Variants in DCBLD2 observed in about 807,000 individuals in gnomAD.
DCBLD2 encodes discoidin, CUB and LCCL domain containing 2, also known as discoidin, CUB and LCCL domain-containing protein 2.
In DCBLD2, 54 loss-of-function variants were observed where a neutral mutation model predicts 86.8. The observed-to-expected ratio is 0.62, with a 90% CI of 0.50 to 0.78. The LOEUF (loss-of-function observed/expected upper bound fraction) is 0.78. DCBLD2 is among the 30% of genes least tolerant of loss of function. The probability of loss-of-function intolerance (pLI) is 0.00; values close to 1 mark genes in which losing one functional copy is unlikely to be tolerated. For missense variants in DCBLD2, 908 were observed against 954.2 expected, an observed-to-expected ratio of 0.95 and a Z score of 0.64; for synonymous variants, 354 against 341.3, an observed-to-expected ratio of 1.04 and a Z score of -0.41.
chr3:98,825,643 T>TTTTATATATATA (rs1317079960), intron 3 of DCBLD2, among the ~76,000 whole-genome samples: 3 of 115,088 alleles, frequency 2.6e-5, no homozygotes, highest in Non-Finnish European at 5.4e-5. Context: ...ATATGTGTAT[T>TTTTATATATATA]TATATATATA....
chr3:98,899,600 G>A (rs1021120719), intron 1 of DCBLD2, among the ~76,000 whole-genome samples: 2 of 152,102 alleles, frequency 1.3e-5, no homozygotes, highest in Non-Finnish European at 2.9e-5. Context: ...AGGTAGACAT[G>A]TAACTGATTC....
At chr3:98,814,606 A>G (rs549522202) in intron 9 of DCBLD2, 2 of 151,964 alleles carry the variant, frequency 1.3e-5, no homozygotes, top group South Asian at 2.1e-4. Flanking sequence ...AACAAATTGT[A>G]TATATATATA....
At chr3:98,832,442 G>A (rs1273523357) in intron 3 of DCBLD2, among the ~76,000 whole-genome samples, 1 of 152,070 alleles carries the variant, frequency 6.6e-6, no homozygotes, top group Non-Finnish European at 1.5e-5. Context: ...TACATTCAAG[G>A]GTAGTATTGA....
At chr3:98,802,372 T>G (rs1941744159) in intron 13 of DCBLD2, among the ~76,000 whole-genome samples, 1 of 152,238 alleles carries the variant, frequency 6.6e-6, no homozygotes, top group African/African-American at 2.4e-5. Context: ...AAGTGTCTGT[T>G]CATATCTTTC....
At chr3:98,898,157 T>G (rs1943783794) in intron 1 of DCBLD2, among the ~76,000 whole-genome samples, 1 of 151,936 alleles carries the variant, frequency 6.6e-6, no homozygotes, top group African/African-American at 2.4e-5. Flanking sequence ...AATATATTTA[T>G]AAATTTATAA....
chr3:98,804,422 T>G, intron 13 of DCBLD2, among the ~76,000 whole-genome samples: 1 of 152,176 alleles, frequency 6.6e-6, no homozygotes, highest in Non-Finnish European at 1.5e-5. Flanking sequence ...TTGCATCTAT[T>G]TGATTCTTCT....
chr3:98,888,008 GTAACCACTGA>G (rs1178499985), intron 1 of DCBLD2, among the ~76,000 whole-genome samples: 1 of 151,850 alleles, frequency 6.6e-6, no homozygotes, highest in East Asian at 1.9e-4. Context: ...CAAAACCCTG[GTAACCACTGA>G]TCTTTTTCGG....
chr3:98,808,893 C>T (rs933616528), intron 12 of DCBLD2, among the ~76,000 whole-genome samples: 2 of 152,022 alleles, frequency 1.3e-5, no homozygotes, highest in African/African-American at 2.4e-5. Flanking sequence ...CCTGTTTCTG[C>T]GTAAGAGTGA....
chr3:98,820,332 A>T (rs778660700), intron 6 of DCBLD2, 44 bp from the exon 7 acceptor site: 2 of 1,335,344 alleles, frequency 1.5e-6, no homozygotes, highest in Non-Finnish European at 9.9e-7. Flanking sequence ...CACATAACAC[A>T]TGATGCCCCA....
chr3:98,836,394 C>T (rs901341726), intron 3 of DCBLD2, among the ~76,000 whole-genome samples: 7 of 150,586 alleles, frequency 4.6e-5, no homozygotes, highest in Non-Finnish European at 1.0e-4. Flanking sequence ...GTTAATGCTA[C>T]TCAATTGGAA....
chr3:98,886,069 G>A (rs1576204013), intron 1 of DCBLD2, among the ~76,000 whole-genome samples: 1 of 151,802 alleles, frequency 6.6e-6, no homozygotes, highest in South Asian at 2.1e-4. Flanking sequence ...TCTTGGCTGG[G>A]TTCCATTTGG....
chr3:98,877,215 G>T (rs1027081552), intron 2 of DCBLD2, among the ~76,000 whole-genome samples: 2 of 152,076 alleles, frequency 1.3e-5, no homozygotes, highest in Non-Finnish European at 2.9e-5. Flanking sequence ...AAGATGAACA[G>T]AAAGAAATGA....
At chr3:98,860,571 A>G (rs1217633616) in intron 2 of DCBLD2, among the ~76,000 whole-genome samples, 4 of 152,242 alleles carry the variant, frequency 2.6e-5, no homozygotes, top group African/African-American at 9.6e-5. Context: ...GCCAATATTC[A>G]ACATTCTTAA....
In DCBLD2 at chr3:98,859,886, C is replaced by T. The variant is rs529060406; in HGVS notation, c.434-10288G>A. ...AAAGCTGGACGGAGAATGACTTTGA[C>T]GAGTTGAGAGAAGAAGGCTTCAGAC... is the stretch of plus-strand genomic sequence containing the variant. On this transcript the variant is annotated intron_variant, in intron 2 of 15. Transcript: ENST00000326840. Among the ~76,000 whole-genome samples the T allele has an allele frequency of 1.4e-3, 216 of 152,316 alleles. 1 individual carries two copies. The highest frequency in any genetic ancestry group is 5.0e-3 in the African/African-American group (208 of 41,570).
At chr3:98,821,017 T>A (rs1053341781) in intron 6 of DCBLD2, 1 of 148,238 alleles carries the variant, frequency 6.7e-6, no homozygotes, top group Non-Finnish European at 1.5e-5. Context: ...GGTAGTTGAA[T>A]CTATACCAGG....
At chr3:98,815,211 C>T (rs1157560756) in intron 9 of DCBLD2, 5 of 152,204 alleles carry the variant, frequency 3.3e-5, no homozygotes, top group African/African-American at 1.2e-4. Context: ...AAAAGAAACA[C>T]TGGAATGAGT....
intron 12 of DCBLD2, among the ~76,000 whole-genome samples, chr3:98,809,020 C>CAA (rs1168578729): frequency 6.6e-6 from 1 of 150,896 alleles, no homozygotes; most frequent in East Asian, 1.9e-4. Context: ...GCAAAACATT[C>CAA]ATATATATAT....
At chr3:98,886,969 G>A (rs970362211) in intron 1 of DCBLD2, among the ~76,000 whole-genome samples, 7 of 151,946 alleles carry the variant, frequency 4.6e-5, no homozygotes, top group South Asian at 4.1e-4. Context: ...ATGTGCTTGT[G>A]ATGCTGATTC....
chr3:98,871,035 T>TC (rs1553731778), intron 2 of DCBLD2, among the ~76,000 whole-genome samples: 1 of 151,518 alleles, frequency 6.6e-6, no homozygotes, highest in Non-Finnish European at 1.5e-5. Flanking sequence ...TTTTTTTTTT[T>TC]CCTTTTTTTG....
Sources: gnomAD v4.1 joint callset for allele counts (sites outside exome capture counted in the v4.1 genomes callset) on GRCh38, gnomAD v4.1.1 for gene constraint, MANE v1.5 for transcripts, NCBI Gene and HGNC (gene_info 2026-07-23, HGNC 2026-07-21) for gene names.